Variants in G2E3 observed in about 807,000 individuals in gnomAD.
The protein encoded by G2E3 is G2/M phase-specific E3 ubiquitin-protein ligase.
G2E3 carries 35 observed loss-of-function variants against 92.8 expected under a neutral mutation model. The ratio of observed to expected loss-of-function variants is 0.38; its 90% CI spans 0.29 to 0.50. The LOEUF is 0.50. G2E3 is among the 20% of genes least tolerant of loss of function. G2E3 has a pLI of 0.94. For missense variants in G2E3, 554 were observed against 823.8 expected (o/e 0.67, Z 4.01); for synonymous variants, 242 against 272.4 (o/e 0.89, Z 1.10).
chr14:30,578,465 G>A (rs1342126546), intron 1 of G2E3, among the ~76,000 whole-genome samples: 4 of 152,152 alleles, frequency 2.6e-5, no homozygotes, highest in Non-Finnish European at 4.4e-5. Flanking sequence ...ATTGACCCAC[G>A]CCAGTGAGAG....
intron 13 of G2E3, among the ~76,000 whole-genome samples, chr14:30,614,112 A>G (rs1198231500): frequency 6.6e-6 from 1 of 152,190 alleles, no homozygotes; most frequent in Admixed American, 6.5e-5. Flanking sequence ...TTGAAAGTAT[A>G]TACAAAGAAG....
chr14:30,583,847 T>C (rs1880564535), intron 2 of G2E3, among the ~76,000 whole-genome samples: 2 of 152,200 alleles, frequency 1.3e-5, no homozygotes, highest in Non-Finnish European at 2.9e-5. Context: ...TTTGTGTGTG[T>C]TGGGAGGGGT....
Position 30,601,830 on chromosome 14 carries a change from C to A in G2E3, c.813C>A (p.Ser271=), listed in dbSNP as rs776674525. The change falls in exon 9 of 15, where the codon TCC becomes TCA. Residue 271 remains serine (S), a synonymous_variant. Transcript: ENST00000206595. ...CGSSGTHLAC[S]SLRSWEQNWE... ...CCAGTGGCACACATTTAGCCTGCTC[C>A]TCATTACGGTCATGGGAGCAAAATT... 3 of 1,613,620 alleles carry A rather than the reference C, an allele frequency of 1.9e-6. No homozygotes were observed.
intron 1 of G2E3, among the ~76,000 whole-genome samples, chr14:30,580,363 C>T (rs534471141): frequency 8.7e-4 from 132 of 152,132 alleles, no homozygotes; most frequent in African/African-American, 2.4e-3. Flanking sequence ...TGCACCACCA[C>T]GCCCTGCTAA....
At chr14:30,559,570 T>A (rs1566518082) in intron 1 of G2E3, 1 of 152,202 alleles carries the variant, frequency 6.6e-6, no homozygotes. Flanking sequence ...TGGCTTTTTT[T>A]AAACCCGTAG....
intron 14 of G2E3, among the ~76,000 whole-genome samples, chr14:30,616,071 G>A (rs866085372): frequency 6.6e-6 from 1 of 152,080 alleles, no homozygotes; most frequent in Admixed American, 6.5e-5. Context: ...CTAAATGATT[G>A]TATTAGTCCT....
At chr14:30,596,147 T>G (rs879358833) in intron 6 of G2E3, among the ~76,000 whole-genome samples, 1 of 141,134 alleles carries the variant, frequency 7.1e-6, no homozygotes, top group Non-Finnish European at 1.6e-5. Context: ...TGTGTGTGTG[T>G]GTGTGTGTGT....
rs1322753123 is a variant in G2E3 at position 30,602,092 on chromosome 14, CCAGA to C, written c.975_978del (p.Arg325SerfsTer11). On this transcript the variant is annotated frameshift_variant, in exon 10 of 15. Coordinates refer to ENST00000206595, the MANE Select transcript of G2E3 (RefSeq NM_017769.5). LOFTEE classifies it high-confidence loss of function. ...TTGGAAGAGTCATCACCTAAATTAC[CCAGA>C]CAGTCACCTGGATCCCAGAGTAAAG... 1 of 1,610,696 alleles carries C rather than the reference CCAGA, an allele frequency of 6.2e-7. No individual in the cohort carries two copies. Among genetic ancestry groups the C allele is most frequent in the South Asian group, 1.1e-5 (1 of 90,934 alleles).
intron 4 of G2E3, chr14:30,590,748 C>T (rs1370333655): frequency 2.0e-5 from 9 of 455,546 alleles, no homozygotes; most frequent in Non-Finnish European, 3.1e-5. Flanking sequence ...CTAAGGACTA[C>T]GTGAGATGTT....
intron 1 of G2E3, chr14:30,560,523 G>A (rs1436256589): frequency 2.3e-6 from 1 of 431,526 alleles, no homozygotes; most frequent in Non-Finnish European, 4.1e-6. Flanking sequence ...GTTAAAATAT[G>A]AGCATTTTTC....
chr14:30,600,947 C>T (rs941285535), intron 8 of G2E3, among the ~76,000 whole-genome samples: 2 of 152,138 alleles, frequency 1.3e-5, no homozygotes, highest in Admixed American at 6.5e-5. Context: ...AGAACTGGAC[C>T]TGGAGCATAA....
chr14:30,598,482 G>A lies in G2E3; in HGVS notation c.636-1G>A. 6.4e-7 allele frequency: 1 copy of A among 1,550,434 alleles called. No homozygotes were observed. The highest frequency in any genetic ancestry group is 8.9e-7 in the Non-Finnish European group (1 of 1,122,012). The stretch of plus-strand genomic sequence containing the variant: ...AGCATATTTTATATCTTCTTTTATA[G>A]AGATGCTTCCTGGGAATTAGAGGAA... On this transcript the variant is annotated splice_acceptor_variant, in intron 7 of 14. Coordinates refer to ENST00000206595, the MANE Select transcript of G2E3 (RefSeq NM_017769.5). LOFTEE classifies it high-confidence loss of function.
intron 6 of G2E3, 120 bp downstream of exon 6, chr14:30,593,759 A>G (rs1038488717): frequency 4.1e-5 from 29 of 703,310 alleles, no homozygotes; most frequent in Non-Finnish European, 6.0e-5. Flanking sequence ...TACTTTTAAA[A>G]CAGCTTTAAA....
At chr14:30,569,418 G>A (rs886585291) in intron 1 of G2E3, among the ~76,000 whole-genome samples, 5 of 152,174 alleles carry the variant, frequency 3.3e-5, no homozygotes, top group Non-Finnish European at 7.4e-5. Context: ...TAATTCAAGT[G>A]TAATGTTCTT....
intron 6 of G2E3, 66 bp from the exon 7 acceptor site, chr14:30,597,354 T>C (rs1881339013): frequency 1.2e-6 from 1 of 820,748 alleles, no homozygotes; most frequent in African/African-American, 1.7e-5. Context: ...CATGTTCTGT[T>C]ACATAATATA....
At chr14:30,591,900 T>C (rs1881033174) in intron 4 of G2E3, among the ~76,000 whole-genome samples, 1 of 152,186 alleles carries the variant, frequency 6.6e-6, no homozygotes, top group Non-Finnish European at 1.5e-5. Flanking sequence ...AATAGAGTGA[T>C]CTTAGCCTTT....
chr14:30,570,453 T>C (rs1879690544), intron 1 of G2E3, among the ~76,000 whole-genome samples: 1 of 152,168 alleles, frequency 6.6e-6, no homozygotes, highest in South Asian at 2.1e-4. Flanking sequence ...CCGGTCCCTC[T>C]TGGACTCCTA....
At chr14:30,602,158 A>C (rs766972192) in intron 10 of G2E3, 27 bp downstream of exon 10, 5 of 1,548,412 alleles carry the variant, frequency 3.2e-6, no homozygotes, top group Non-Finnish European at 4.4e-6. Flanking sequence ...GGAGAAATAC[A>C]TAAAAATCTA....
chr14:30,560,810 T>C (rs1879052750), intron 1 of G2E3: 1 of 702,044 alleles, frequency 1.4e-6, no homozygotes, highest in Non-Finnish European at 2.6e-6. Context: ...GTCTGGAGGA[T>C]GGCATTGAAC....
Sources: allele counts gnomAD v4.1 joint callset (sites outside exome capture counted in the v4.1 genomes callset), GRCh38; gene constraint gnomAD v4.1.1; transcripts MANE v1.5; gene names NCBI Gene and HGNC (gene_info 2026-07-23, HGNC 2026-07-21).